The following BANK1 variants were observed in gnomAD, a reference collection of about 807,000 sequenced individuals.
The protein encoded by BANK1 is B cell scaffold protein with ankyrin repeats 1, also known as B-cell scaffold protein with ankyrin repeats.
A neutral mutation model predicts 94.5 loss-of-function variants in BANK1; 95 were observed. That is an observed-to-expected ratio of 1.00 (90% confidence interval 0.85 to 1.19). The LOEUF is 1.19. Ranked by LOEUF, BANK1 falls within the 50% of genes most tolerant of loss-of-function variation. BANK1 has a pLI of 0.00. For synonymous variants in BANK1, 334 were observed against 308.4 expected, an observed-to-expected ratio of 1.08 and a Z score of -0.87; for missense variants, 987 against 932.2, an observed-to-expected ratio of 1.06 and a Z score of -0.77.
At chr4:101,874,559 G>T (rs753368058) in intron 5 of BANK1, among the ~76,000 whole-genome samples, 1 of 152,128 alleles carries the variant, frequency 6.6e-6, no homozygotes, top group Non-Finnish European at 1.5e-5. Flanking sequence ...CCATACATCA[G>T]TGTTATCTAA....
At chr4:101,849,802 G>A (rs539216627) in intron 2 of BANK1, among the ~76,000 whole-genome samples, 37 of 152,006 alleles carry the variant, frequency 2.4e-4, no homozygotes, top group South Asian at 4.2e-4. Flanking sequence ...GAAAAACTTC[G>A]TCATTTATTT....
intron 7 of BANK1, among the ~76,000 whole-genome samples, chr4:101,950,111 T>A (rs1724098686): frequency 6.6e-6 from 1 of 151,982 alleles, no homozygotes; most frequent in African/African-American, 2.4e-5. Context: ...GAAATATCAT[T>A]TCTGGTGCTT....
chr4:101,980,805 AT>A (rs1725302297), intron 7 of BANK1, among the ~76,000 whole-genome samples: 2 of 151,720 alleles, frequency 1.3e-5, no homozygotes, highest in African/African-American at 4.8e-5. Context: ...TTCTTTGAGC[AT>A]TTTTGTTAAG....
At chr4:101,853,815 C>CG (rs1482498875) in intron 2 of BANK1, among the ~76,000 whole-genome samples, 1 of 151,960 alleles carries the variant, frequency 6.6e-6, no homozygotes, top group Non-Finnish European at 1.5e-5. Flanking sequence ...TGGATCACAC[C>CG]GCGTAGAGGG....
At position 102,039,251 on chromosome 4, in the gene BANK1, G is replaced by C. The variant is rs570599371; in HGVS notation, c.1901-4588G>C. Among the ~76,000 whole-genome samples the C allele has an allele frequency of 2.9e-4, 44 of 152,104 alleles. 1 individual carries two copies. In the South Asian group the frequency reaches 7.7e-3, roughly 27 times the overall value. ...AAATGTAATGGCCTGTATTTGATAA[G>C]GTTTCTCAAGTTAATAACCTATAAA... On this transcript the variant is annotated intron_variant, in intron 10 of 16. Transcript: ENST00000322953.
intron 11 of BANK1, among the ~76,000 whole-genome samples, chr4:102,053,246 TG>T (rs1349133555): frequency 2.0e-5 from 3 of 152,134 alleles, no homozygotes; most frequent in African/African-American, 7.2e-5. Context: ...AGTGGGAAGC[TG>T]GAGGATGAAT....
At chr4:101,967,194 G>A (rs1724794899) in intron 7 of BANK1, among the ~76,000 whole-genome samples, 1 of 152,082 alleles carries the variant, frequency 6.6e-6, no homozygotes, top group Non-Finnish European at 1.5e-5. Context: ...GTGTGACACT[G>A]TTTTGTCTTT....
At chr4:101,933,953 G>C (rs13125328) in intron 7 of BANK1, among the ~76,000 whole-genome samples, 9,804 of 151,118 alleles carry the variant, frequency 0.065, 474 homozygotes, top group Non-Finnish European at 0.098. Context: ...TCATCCATTT[G>C]GTTTGCTGCC....
intron 1 of BANK1, among the ~76,000 whole-genome samples, chr4:101,818,751 T>C (rs1285246629): frequency 1.3e-5 from 2 of 152,110 alleles, no homozygotes; most frequent in Non-Finnish European, 2.9e-5. Context: ...TTAAACTTTA[T>C]CATAGACATA....
chr4:101,809,853 G>A (rs1018778864), intron 1 of BANK1, among the ~76,000 whole-genome samples: 1 of 152,182 alleles, frequency 6.6e-6, no homozygotes, highest in Non-Finnish European at 1.5e-5. Context: ...TGGTGTGGTA[G>A]ACAGAACAAT....
At chr4:101,973,973 A>G (rs1213128993) in intron 7 of BANK1, among the ~76,000 whole-genome samples, 1 of 152,090 alleles carries the variant, frequency 6.6e-6, no homozygotes, top group Admixed American at 6.6e-5. Context: ...TTAACACTGA[A>G]AGGTTTTAAC....
At chr4:101,901,974 A>G (rs1179246566) in intron 6 of BANK1, among the ~76,000 whole-genome samples, 1 of 152,052 alleles carries the variant, frequency 6.6e-6, no homozygotes, top group Non-Finnish European at 1.5e-5. Flanking sequence ...GTTAGCCAGG[A>G]TGGTCTCGAT....
intron 2 of BANK1, among the ~76,000 whole-genome samples, chr4:101,837,371 A>C (rs1726868292): frequency 6.6e-6 from 1 of 152,204 alleles, no homozygotes; most frequent in African/African-American, 2.4e-5. Flanking sequence ...AGTTCATTAT[A>C]ACTTCAGAAT....
chr4:102,044,012 G>A, intron 11 of BANK1, 105 bp downstream of exon 11: 1 of 604,578 alleles, frequency 1.7e-6, no homozygotes, highest in Non-Finnish European at 2.9e-6. Flanking sequence ...GTAATTGTGT[G>A]CTTTATAAAT....
intron 7 of BANK1, among the ~76,000 whole-genome samples, chr4:101,975,558 T>G (rs1272284316): frequency 2.0e-5 from 3 of 152,190 alleles, no homozygotes; most frequent in Non-Finnish European, 2.9e-5. Context: ...CTGTGTCTGT[T>G]TCCTCATCTG....
At chr4:102,057,277 GCTCT>G (rs1179416462) in intron 11 of BANK1, among the ~76,000 whole-genome samples, 3 of 128,938 alleles carry the variant, frequency 2.3e-5, no homozygotes, top group Admixed American at 7.5e-5. Flanking sequence ...TCTCTCTCCT[GCTCT>G]CTCTCTCTTT....
intron 6 of BANK1, among the ~76,000 whole-genome samples, chr4:101,911,193 C>G (rs1352185864): frequency 6.6e-6 from 1 of 152,150 alleles, no homozygotes; most frequent in African/African-American, 2.4e-5. Context: ...TGCTAGTCCC[C>G]AGACGACTGT....
chr4:101,974,320 A>G (rs2148924428), intron 7 of BANK1, among the ~76,000 whole-genome samples: 1 of 152,254 alleles, frequency 6.6e-6, no homozygotes, highest in Non-Finnish European at 1.5e-5. Context: ...TTTCCCTCTC[A>G]AAATCATAAA....
At chr4:102,035,289 A>G (rs1018288334) in intron 10 of BANK1, among the ~76,000 whole-genome samples, 1 of 152,232 alleles carries the variant, frequency 6.6e-6, no homozygotes, top group Non-Finnish European at 1.5e-5. Context: ...AGCTTAAAAC[A>G]TGAAGCTCTA....
Sources: allele counts gnomAD v4.1 joint callset (sites outside exome capture counted in the v4.1 genomes callset), GRCh38; gene constraint gnomAD v4.1.1; transcripts MANE v1.5; gene names NCBI Gene and HGNC (gene_info 2026-07-23, HGNC 2026-07-21).